SLC6A6: variants seen among roughly 807,000 people sequenced by gnomAD.
SLC6A6 encodes the protein solute carrier family 6 member 6.
Under a neutral mutation model 68.8 loss-of-function variants are expected in SLC6A6, and 16 were observed. That is an observed-to-expected ratio of 0.23 (90% CI 0.16 to 0.35). The LOEUF (loss-of-function observed/expected upper bound fraction) is 0.35, where lower values mean the gene tolerates loss of function less well. SLC6A6 is among the 10% of genes least tolerant of loss of function. The probability of loss-of-function intolerance (pLI) is 1.00; values close to 1 mark genes in which losing one functional copy is unlikely to be tolerated. For missense variants in SLC6A6, 474 were observed against 802.8 expected, an observed-to-expected ratio of 0.59 and a Z score of 4.95; for synonymous variants, 312 against 315.4, an observed-to-expected ratio of 0.99 and a Z score of 0.12.
chr3:14,419,997 T>C (rs1262484360), intron 2 of SLC6A6, among the ~76,000 whole-genome samples: 1 of 152,208 alleles, frequency 6.6e-6, no homozygotes. Flanking sequence ...GGAGTGTTGA[T>C]ATAACAGGCC....
Position 14,468,287 on chromosome 3 carries a change from C to T in SLC6A6, c.1096+75C>T, listed in dbSNP as rs905550103. ...AAGCCAAGTACTGCAGGCATGAAGCCAGACCCCAGGGGGCTTTGAGGGGGG... is the reference window on the plus strand; with the variant it reads ...AAGCCAAGTACTGCAGGCATGAAGCTAGACCCCAGGGGGCTTTGAGGGGGG... On this transcript the variant is annotated intron_variant, in intron 9 of 14. Coordinates refer to ENST00000622186, the MANE Select transcript of SLC6A6 (RefSeq NM_003043.6). This position sits in a 1 kb window ranked among gnomAD's most constrained non-coding sequence, Gnocchi z 4.5. The T allele has an allele frequency of 8.9e-5, 125 of 1,399,850 alleles. No homozygotes were observed. The highest frequency in any genetic ancestry group is 1.2e-4 in the Non-Finnish European group (120 of 1,029,900). 86.7% of individuals were successfully genotyped at this position (1,399,850 alleles called of 1,614,324 possible). A position where few individuals can be genotyped will look rare whatever the true frequency, so the allele number is the denominator to read the frequency against.
chr3:14,473,677 C>T (rs3773168), intron 10 of SLC6A6, among the ~76,000 whole-genome samples: 12 of 152,154 alleles, frequency 7.9e-5, no homozygotes, highest in East Asian at 7.7e-4. Flanking sequence ...ATCAGGGAGA[C>T]GGAAAACAAA....
rs2241782 is a variant in SLC6A6, at chr3:14,478,000, C to G, written c.1348-466C>G. 4.5e-3 allele frequency among the ~76,000 whole-genome samples: 681 copies of G among 151,988 alleles called. 17 individuals are homozygous for G. The East Asian group carries it at 0.073, about 16-fold the overall frequency. ...GGCACGCTCTCTCCTGCATGCCCCC[C>G]CCCACCACCTCCCCTGTTCCCCAGG... On this transcript the variant is annotated intron_variant, in intron 11 of 14. Coordinates refer to ENST00000622186, the MANE Select transcript of SLC6A6 (RefSeq NM_003043.6). The surrounding 1 kb of genome is among the most constrained non-coding windows in gnomAD (Gnocchi z 4.2).
At chr3:14,467,999 G>A in intron 8 of SLC6A6, 43 bp downstream of exon 8, 2 of 1,607,810 alleles carry the variant, frequency 1.2e-6, no homozygotes, top group Non-Finnish European at 1.7e-6. Flanking sequence ...TAGAAATGAT[G>A]ATGATGATGT....
intron 6 of SLC6A6, among the ~76,000 whole-genome samples, chr3:14,461,538 T>G (rs1296310048): frequency 2.6e-5 from 4 of 152,214 alleles, no homozygotes; most frequent in African/African-American, 7.2e-5. Context: ...GTGCAAGCCC[T>G]GCAGACGCAC....
chr3:14,436,404 G>A (rs765927062), intron 2 of SLC6A6, among the ~76,000 whole-genome samples: 1 of 151,960 alleles, frequency 6.6e-6, no homozygotes, highest in Admixed American at 6.6e-5. Context: ...GGGTCCAAAT[G>A]TGTTGCCCAG....
chr3:14,466,265 TAAAAAA>T (rs11310077), intron 6 of SLC6A6, among the ~76,000 whole-genome samples: 26 of 110,256 alleles, frequency 2.4e-4, no homozygotes, highest in Admixed American at 4.9e-4. Flanking sequence ...GTCTCAAATT[TAAAAAA>T]AAAAAAAAAA....
At chr3:14,482,166 G>C (rs972885004) in intron 14 of SLC6A6, among the ~76,000 whole-genome samples, 5 of 152,214 alleles carry the variant, frequency 3.3e-5, no homozygotes, top group Non-Finnish European at 7.3e-5. Context: ...AGAGGTGACT[G>C]TAGCTTTGGA....
intron 1 of SLC6A6, among the ~76,000 whole-genome samples, chr3:14,410,504 C>A (rs924458978): frequency 6.6e-6 from 1 of 152,170 alleles, no homozygotes; most frequent in Non-Finnish European, 1.5e-5. Context: ...GTGAGCAGCT[C>A]TGGCCACTGC....
rs1322823970 is a variant in SLC6A6 at position 14,485,045 on chromosome 3, G to A, written c.*38G>A. The A allele has an allele frequency of 1.3e-6, 2 of 1,559,840 alleles. No homozygotes were observed. Among genetic ancestry groups the A allele is most frequent in the Non-Finnish European group, 1.8e-6 (2 of 1,142,472 alleles). ...CGACGGGGCCGGCGGCTTTCCTGCT[G>A]TTTACTAACATTAGATTCTCATAGG... On this transcript the variant is annotated 3_prime_UTR_variant, in exon 15 of 15. Coordinates refer to ENST00000622186, the MANE Select transcript of SLC6A6 (RefSeq NM_003043.6).
intron 1 of SLC6A6, among the ~76,000 whole-genome samples, chr3:14,415,327 G>T (rs1405967816): frequency 6.6e-6 from 1 of 152,208 alleles, no homozygotes; most frequent in Admixed American, 6.5e-5. Context: ...TAATTTGGGG[G>T]ACAGGGAGCT....
chr3:14,452,648 CACCCTGTGT>C (rs1026616318), intron 5 of SLC6A6, among the ~76,000 whole-genome samples: 6 of 152,218 alleles, frequency 3.9e-5, no homozygotes, highest in Non-Finnish European at 5.9e-5. Flanking sequence ...CCCCTACACC[CACCCTGTGT>C]GCAGTGCTAA....
intron 1 of SLC6A6, among the ~76,000 whole-genome samples, chr3:14,410,217 G>A (rs1487725003): frequency 6.7e-6 from 1 of 150,290 alleles, no homozygotes; most frequent in Non-Finnish European, 1.5e-5. Flanking sequence ...CACAGATGTG[G>A]CTCCCTGTGC....
chr3:14,414,789 A>G (rs1460511772), intron 1 of SLC6A6, among the ~76,000 whole-genome samples: 3 of 152,148 alleles, frequency 2.0e-5, no homozygotes, highest in Non-Finnish European at 4.4e-5. Flanking sequence ...TCAGCCTCCA[A>G]GAGTGCTGGG....
intron 2 of SLC6A6, among the ~76,000 whole-genome samples, chr3:14,426,349 G>T (rs1481549085): frequency 6.6e-6 from 1 of 152,174 alleles, no homozygotes; most frequent in Non-Finnish European, 1.5e-5. Context: ...ATCCCAAAGG[G>T]TGGCTGGTTA....
intron 14 of SLC6A6, among the ~76,000 whole-genome samples, chr3:14,482,164 CTG>C (rs1348491869): frequency 6.6e-6 from 1 of 152,190 alleles, no homozygotes; most frequent in Non-Finnish European, 1.5e-5. Flanking sequence ...GGAGAGGTGA[CTG>C]TAGCTTTGGA....
chr3:14,409,265 C>T (rs527368565), intron 1 of SLC6A6, among the ~76,000 whole-genome samples: 10 of 152,338 alleles, frequency 6.6e-5, no homozygotes, highest in East Asian at 5.8e-4. Context: ...ACTGACTTTG[C>T]GTGTCCTGTC....
chr3:14,443,974 C>G (rs549731235), intron 3 of SLC6A6, 111 bp downstream of exon 3: 9 of 730,554 alleles, frequency 1.2e-5, no homozygotes, highest in African/African-American at 3.5e-5. Flanking sequence ...CCCTGGCCCC[C>G]CCCCTTGACC....
intron 13 of SLC6A6, among the ~76,000 whole-genome samples, chr3:14,480,635 A>C (rs1700985481): frequency 6.6e-6 from 1 of 152,236 alleles, no homozygotes; most frequent in African/African-American, 2.4e-5. Context: ...TCCCTTGCCC[A>C]TCACCGACTC....
Sources: allele counts gnomAD v4.1 joint callset (sites outside exome capture counted in the v4.1 genomes callset), GRCh38; gene constraint gnomAD v4.1.1; non-coding constraint Gnocchi (gnomAD v3.1); transcripts MANE v1.5; gene names NCBI Gene and HGNC (gene_info 2026-07-23, HGNC 2026-07-21).